NRG1: variants seen among roughly 807,000 people sequenced by gnomAD.
NRG1 encodes the protein neuregulin 1, also known as pro-neuregulin-1, membrane-bound isoform.
In NRG1, 18 loss-of-function variants were observed where a neutral mutation model predicts 63.8. The ratio of observed to expected loss-of-function variants is 0.28; its 90% CI spans 0.19 to 0.42. NRG1 has a LOEUF of 0.42. Ranked by LOEUF, NRG1 falls within the 10% of genes least tolerant of loss-of-function variation. The pLI is 1.00. For missense variants in NRG1, 762 were observed against 814.7 expected, an observed-to-expected ratio of 0.94 and a Z score of 0.79; for synonymous variants, 302 against 301.3, an observed-to-expected ratio of 1.00 and a Z score of -0.02.
At chr8:32,568,311 C>T (rs1016869453) in intron 1 of NRG1, among the ~76,000 whole-genome samples, 2 of 152,182 alleles carry the variant, frequency 1.3e-5, no homozygotes, top group African/African-American at 4.8e-5. Flanking sequence ...TGCTAACTCA[C>T]TGAATCTCTT....
chr8:32,086,179 T>G (rs1057092672), intron 1 of NRG1, among the ~76,000 whole-genome samples: 1 of 152,236 alleles, frequency 6.6e-6, no homozygotes, highest in Non-Finnish European at 1.5e-5. Flanking sequence ...TTTAGCAATT[T>G]AAAGAATGTT....
intron 1 of NRG1, among the ~76,000 whole-genome samples, chr8:31,714,757 C>G (rs1429754196): frequency 2.0e-5 from 3 of 152,100 alleles, no homozygotes; most frequent in African/African-American, 7.2e-5. Context: ...AAGGCTTGAG[C>G]TCTTTCTTAT....
intron 1 of NRG1, among the ~76,000 whole-genome samples, chr8:32,174,722 G>A (rs1413585815): frequency 6.6e-6 from 1 of 152,138 alleles, no homozygotes; most frequent in African/African-American, 2.4e-5. Flanking sequence ...AAATAAACTA[G>A]AAAATCTAGA....
intron 1 of NRG1, among the ~76,000 whole-genome samples, chr8:32,080,059 A>G (rs1181349236): frequency 6.6e-6 from 1 of 152,198 alleles, no homozygotes; most frequent in Non-Finnish European, 1.5e-5. Context: ...AAAGACAACA[A>G]TACTTAAATC....
chr8:32,585,815 C>A (rs1186357132), intron 1 of NRG1, among the ~76,000 whole-genome samples: 1 of 151,996 alleles, frequency 6.6e-6, no homozygotes, highest in African/African-American at 2.4e-5. Flanking sequence ...GTGGTGTATC[C>A]CAGGTTTTGT....
chr8:31,930,501 C>T (rs183655510), intron 1 of NRG1, among the ~76,000 whole-genome samples: 67 of 152,276 alleles, frequency 4.4e-4, no homozygotes, highest in African/African-American at 1.6e-3. Context: ...CCTTGATTAA[C>T]CATCTTTGGT....
At chr8:32,328,620 C>T (rs1478107610) in intron 1 of NRG1, among the ~76,000 whole-genome samples, 1 of 152,042 alleles carries the variant, frequency 6.6e-6, no homozygotes, top group Non-Finnish European at 1.5e-5. Context: ...GTAAGGCCAT[C>T]ACAAAAGCTG....
intron 1 of NRG1, among the ~76,000 whole-genome samples, chr8:31,953,930 C>A (rs1428659499): frequency 6.6e-6 from 1 of 152,168 alleles, no homozygotes; most frequent in Non-Finnish European, 1.5e-5. Context: ...TGATTTGGGG[C>A]AGGCTACTAA....
At chr8:32,544,383 T>C (rs957490542), upstream of NRG1, among the ~76,000 whole-genome samples, 10 of 152,150 alleles carry the variant, frequency 6.6e-5, no homozygotes, top group African/African-American at 2.4e-4. Flanking sequence ...TGTATTGTCA[T>C]ATTTAATTTG....
chr8:31,804,306 T>C (rs1423885639), intron 1 of NRG1, among the ~76,000 whole-genome samples: 1 of 152,236 alleles, frequency 6.6e-6, no homozygotes, highest in African/African-American at 2.4e-5. Context: ...CTGTCTAGTG[T>C]ATCCTTTGCT....
rs1188495896 is a variant in NRG1, at chr8:32,280,701, T to G, written c.38-315127T>G. 4.1e-4 allele frequency among the ~76,000 whole-genome samples: 54 copies of G among 130,810 alleles called. 1 individual carries two copies. Among genetic ancestry groups the G allele is most frequent in the South Asian group, 7.4e-4 (3 of 4,036 alleles). 85.8% of individuals were successfully genotyped at this position (130,810 alleles called of 152,430 possible). On this transcript the variant is annotated intron_variant, in intron 1 of 10. Coordinates refer to the NRG1 transcript ENST00000519301. ...TTAGGTTTTTTTTTTGTTTTTTTTT[T>G]TTTTTTTTTTTTTCAGATAAACCAT...
exon 2 of NRG1, chr8:32,595,909 C>T (rs1046905011): frequency 8.7e-6 from 14 of 1,613,768 alleles, no homozygotes; most frequent in Middle Eastern, 3.3e-4. Context: ...GAAACCAGTT[C>T]TGAATACTCC....
At chr8:31,751,813 G>A (rs1381769841) in intron 1 of NRG1, among the ~76,000 whole-genome samples, 5 of 151,938 alleles carry the variant, frequency 3.3e-5, no homozygotes, top group Admixed American at 6.6e-5. Flanking sequence ...GGAAGAGAAA[G>A]ATGTTTAAGG....
At position 31,662,240 on chromosome 8, in the gene NRG1, A is replaced by G. The variant is rs570303681; in HGVS notation, c.37+22809A>G. Among the ~76,000 whole-genome samples, 8 of 152,318 alleles carry G rather than the reference A, an allele frequency of 5.3e-5. No homozygotes were observed. The South Asian group carries it at 1.7e-3, about 32-fold the overall frequency. On this transcript the variant is annotated intron_variant, in intron 1 of 10. Coordinates refer to the NRG1 transcript ENST00000519301. ...AATATTCACAGCACCAAGTGATCAAAAGCTGTAAGTAGCATTTGTGCACTT... is the reference window on the plus strand; with the variant it reads ...AATATTCACAGCACCAAGTGATCAAGAGCTGTAAGTAGCATTTGTGCACTT...
At chr8:32,310,519 A>G (rs1242428855) in intron 1 of NRG1, among the ~76,000 whole-genome samples, 1 of 152,214 alleles carries the variant, frequency 6.6e-6, no homozygotes, top group Non-Finnish European at 1.5e-5. Flanking sequence ...GTAGAGGCCA[A>G]ATAAATAAAT....
intron 1 of NRG1, among the ~76,000 whole-genome samples, chr8:32,181,968 T>G (rs531108982): frequency 1.3e-5 from 2 of 152,340 alleles, no homozygotes; most frequent in African/African-American, 4.8e-5. Context: ...TTATTTGAGT[T>G]AGTCTAAATG....
chr8:31,923,108 A>T (rs942112435), intron 1 of NRG1, among the ~76,000 whole-genome samples: 1 of 152,156 alleles, frequency 6.6e-6, no homozygotes, highest in Non-Finnish European at 1.5e-5. Flanking sequence ...TTCACCGTTA[A>T]GTATGATGTT....
intron 1 of NRG1, among the ~76,000 whole-genome samples, chr8:31,952,126 A>G (rs1398666953): frequency 1.3e-5 from 2 of 152,204 alleles, no homozygotes; most frequent in Admixed American, 6.5e-5. Flanking sequence ...CAGGAGTATT[A>G]TAGGATGTTT....
intron 1 of NRG1, among the ~76,000 whole-genome samples, chr8:31,736,043 C>T (rs1008054285): frequency 2.0e-5 from 3 of 152,144 alleles, no homozygotes; most frequent in Non-Finnish European, 1.5e-5. Flanking sequence ...AGCTCCTTTA[C>T]TCAAACCCTC....
Sources: gnomAD v4.1 joint callset for allele counts (sites outside exome capture counted in the v4.1 genomes callset) on GRCh38, gnomAD v4.1.1 for gene constraint, MANE v1.5 for transcripts, NCBI Gene and HGNC (gene_info 2026-07-23, HGNC 2026-07-21) for gene names.